The following COL21A1 variants were observed in gnomAD, a reference collection of about 807,000 sequenced individuals.
The protein encoded by COL21A1 is collagen alpha-1(XXI) chain.
In COL21A1, 149 loss-of-function variants were observed where a neutral mutation model predicts 137.9. The observed-to-expected ratio is 1.08, with a 90% CI of 0.95 to 1.24. The LOEUF is 1.24. COL21A1 is among the 50% of genes most tolerant of loss of function. The pLI is 0.00. For missense variants in COL21A1, 1,167 were observed against 1,158.4 expected (o/e 1.01, Z -0.11); for synonymous variants, 456 against 391.5 (o/e 1.16, Z -1.95).
intron 1 of COL21A1, among the ~76,000 whole-genome samples, chr6:56,220,967 A>G (rs1780790247): frequency 6.6e-6 from 1 of 152,120 alleles, no homozygotes; most frequent in Non-Finnish European, 1.5e-5. Context: ...CCACTACACA[A>G]TTCAATTCCA....
intron 1 of COL21A1, among the ~76,000 whole-genome samples, chr6:56,183,015 C>T (rs1248556639): frequency 6.6e-6 from 1 of 151,958 alleles, no homozygotes; most frequent in Non-Finnish European, 1.5e-5. Context: ...TTCTTTTAAA[C>T]GTGGGTTTGT....
chr6:56,125,723 CA>C (rs1230878147), intron 13 of COL21A1, 103 bp from the exon 14 acceptor site: 4 of 669,522 alleles, frequency 6.0e-6, no homozygotes, highest in Non-Finnish European at 9.3e-6. Flanking sequence ...ATGCCAAAAG[CA>C]AAACAAAATA....
chr6:56,237,241 G>C (rs1781964150), intron 1 of COL21A1, among the ~76,000 whole-genome samples: 1 of 152,098 alleles, frequency 6.6e-6, no homozygotes, highest in Non-Finnish European at 1.5e-5. Flanking sequence ...ATTGCAACTT[G>C]AAAAGTCTGC....
chr6:56,337,351 G>T (rs1263556842), intron 1 of COL21A1, among the ~76,000 whole-genome samples: 1 of 152,218 alleles, frequency 6.6e-6, no homozygotes, highest in African/African-American at 2.4e-5. Context: ...CAAGGCTGGA[G>T]AATGAAAGGA....
Position 56,196,711 on chromosome 6 carries a change from A to G in COL21A1, c.-38-14055T>C, listed in dbSNP as rs185781753. Among the ~76,000 whole-genome samples, 14 of 152,250 alleles carry G rather than the reference A, an allele frequency of 9.2e-5. No individual in the cohort carries two copies. The East Asian group carries it at 2.7e-3, about 29-fold the overall frequency. The stretch of plus-strand genomic sequence containing the variant: ...CTAAAACATTGATGAAAGAAATTGA[A>G]GAAGACACAGATACAATTCTTCACT... On this transcript the variant is annotated intron_variant, in intron 1 of 29. Transcript: ENST00000244728.
At chr6:56,241,133 A>G (rs1782292015) in intron 1 of COL21A1, among the ~76,000 whole-genome samples, 1 of 152,156 alleles carries the variant, frequency 6.6e-6, no homozygotes, top group Non-Finnish European at 1.5e-5. Context: ...AATCATGTGT[A>G]CAAGCCTTAA....
intron 1 of COL21A1, among the ~76,000 whole-genome samples, chr6:56,317,288 A>G (rs1236185280): frequency 6.6e-6 from 1 of 152,172 alleles, no homozygotes; most frequent in Non-Finnish European, 1.5e-5. Context: ...CAAAAATGAT[A>G]TACTGAGCAC....
intron 1 of COL21A1, among the ~76,000 whole-genome samples, chr6:56,362,356 T>C (rs1765993656): frequency 6.6e-6 from 1 of 152,196 alleles, no homozygotes; most frequent in Admixed American, 6.5e-5. Flanking sequence ...CTAAATTTTC[T>C]ACAATAAGTA....
intron 1 of COL21A1, among the ~76,000 whole-genome samples, chr6:56,318,682 G>T (rs72870255): frequency 0.22 from 32,854 of 151,726 alleles, 4,827 homozygotes; most frequent in East Asian, 0.64. Flanking sequence ...TTGTGCACTG[G>T]ATCCTCTTCC....
chr6:56,314,987 C>T (rs558339075), intron 1 of COL21A1, among the ~76,000 whole-genome samples: 60 of 152,084 alleles, frequency 3.9e-4, no homozygotes, highest in Non-Finnish European at 6.8e-4. Flanking sequence ...GGGGTGTTAC[C>T]GCAAACGCAG....
chr6:56,384,316 A>G (rs1411700016), intron 1 of COL21A1, among the ~76,000 whole-genome samples: 1 of 152,200 alleles, frequency 6.6e-6, no homozygotes, highest in Non-Finnish European at 1.5e-5. Flanking sequence ...TTGACCATGC[A>G]ATAGGGCATG....
intron 17 of COL21A1, among the ~76,000 whole-genome samples, chr6:56,081,671 T>C (rs773737966): frequency 1.6e-4 from 25 of 151,800 alleles, no homozygotes; most frequent in Non-Finnish European, 3.1e-4. Context: ...GAAACCAATA[T>C]ACAAGTACTT....
rs3065909 is a variant in COL21A1 at position 56,129,699 on chromosome 6, TGAGAGA to T, written c.1543-3556_1543-3551del. 5.3e-3 allele frequency among the ~76,000 whole-genome samples: 641 copies of T among 120,520 alleles called. 3 individuals carry two copies. The highest frequency in any genetic ancestry group is 0.018 in the African/African-American group (591 of 32,378). The allele number at this position is 120,520 out of a possible 152,430, so 79.1% of individuals were successfully genotyped here. The stretch of plus-strand genomic sequence containing the variant: ...GCGTGTGTGTGTGTGTGTGTGTGTG[TGAGAGA>T]GAGAGAGAGAGAGAGAGACAGACAG... On this transcript the variant is annotated intron_variant, in intron 12 of 29. Transcript: ENST00000244728.
intron 1 of COL21A1, among the ~76,000 whole-genome samples, chr6:56,284,399 G>A (rs1253743726): frequency 2.6e-5 from 4 of 152,102 alleles, no homozygotes; most frequent in Non-Finnish European, 4.4e-5. Flanking sequence ...ACACTTGAAC[G>A]CACAATCTGG....
At chr6:56,161,498 T>C (rs1776199037) in intron 9 of COL21A1, among the ~76,000 whole-genome samples, 1 of 152,150 alleles carries the variant, frequency 6.6e-6, no homozygotes, top group Non-Finnish European at 1.5e-5. Flanking sequence ...GATCTTATTG[T>C]TTTGACAATT....
intron 1 of COL21A1, among the ~76,000 whole-genome samples, chr6:56,302,040 C>T (rs537977522): frequency 1.1e-4 from 16 of 152,080 alleles, no homozygotes; most frequent in African/African-American, 3.9e-4. Context: ...CATCCATGTC[C>T]CTGCAAAGGA....
intron 16 of COL21A1, among the ~76,000 whole-genome samples, chr6:56,108,088 G>A (rs1057298851): frequency 1.1e-4 from 17 of 151,834 alleles, no homozygotes; most frequent in East Asian, 1.9e-4. Context: ...AATAGTAAAC[G>A]TAGTATAAAG....
At chr6:56,279,982 C>T (rs578103108) in intron 1 of COL21A1, among the ~76,000 whole-genome samples, 5 of 152,300 alleles carry the variant, frequency 3.3e-5, no homozygotes, top group Admixed American at 3.3e-4. Context: ...TTACCCTCCT[C>T]TTCCTCACTG....
intron 1 of COL21A1, among the ~76,000 whole-genome samples, chr6:56,373,094 T>C (rs1341288606): frequency 6.6e-6 from 1 of 152,116 alleles, no homozygotes; most frequent in Non-Finnish European, 1.5e-5. Flanking sequence ...GCTGCACTAA[T>C]GTGATGTCCA....
Sources: allele counts gnomAD v4.1 joint callset (sites outside exome capture counted in the v4.1 genomes callset), GRCh38; gene constraint gnomAD v4.1.1; transcripts MANE v1.5; gene names NCBI Gene and HGNC (gene_info 2026-07-23, HGNC 2026-07-21).